Variants in WDFY4 observed in about 807,000 individuals in gnomAD.
WDFY4 encodes the protein WD repeat- and FYVE domain-containing protein 4.
Under a neutral mutation model 351.9 loss-of-function variants are expected in WDFY4, and 169 were observed. That is an observed-to-expected ratio of 0.48 (90% CI 0.42 to 0.55). The LOEUF (loss-of-function observed/expected upper bound fraction) is 0.55. WDFY4 is among the 20% of genes least tolerant of loss of function. The pLI, the probability that WDFY4 is intolerant of heterozygous loss-of-function variation, is 0.00. For synonymous variants in WDFY4, 1,622 were observed against 1,574.6 expected (o/e 1.03, Z -0.71); for missense variants, 3,803 against 3,935.6 (o/e 0.97, Z 0.90).
intron 2 of WDFY4, among the ~76,000 whole-genome samples, chr10:48,718,033 A>T (rs1271128020): frequency 6.6e-6 from 1 of 152,130 alleles, no homozygotes; most frequent in Non-Finnish European, 1.5e-5. Context: ...GGTTCCTGTG[A>T]TTCCCCCCAT....
At chr10:48,768,682 G>T (rs1209119846) in intron 13 of WDFY4, among the ~76,000 whole-genome samples, 1 of 151,124 alleles carries the variant, frequency 6.6e-6, no homozygotes, top group East Asian at 2.0e-4. Flanking sequence ...AGAGTCACGG[G>T]TCGAGCAGCC....
At chr10:48,889,661 T>C (rs935821242) in intron 43 of WDFY4, among the ~76,000 whole-genome samples, 4 of 152,212 alleles carry the variant, frequency 2.6e-5, no homozygotes, top group African/African-American at 7.2e-5. Flanking sequence ...GTTTACTATG[T>C]AAGGACCCAC....
chr10:48,764,475 C>G (rs903479717), intron 13 of WDFY4, among the ~76,000 whole-genome samples: 14 of 152,242 alleles, frequency 9.2e-5, no homozygotes, highest in African/African-American at 3.4e-4. Context: ...AATAAAGATA[C>G]TTTCCCTTTC....
At chr10:48,787,924 CTTCTTCTTCTTCTTCTTCTTCTT>C (rs2066515239) in intron 20 of WDFY4, among the ~76,000 whole-genome samples, 1 of 76,928 alleles carries the variant, frequency 1.3e-5, no homozygotes, top group Non-Finnish European at 2.5e-5. Flanking sequence ...TCTTCTTCTT[CTTCTTCTTCTTCTTCTTCTTCTT>C]CTTCTTCTTC....
intron 12 of WDFY4, among the ~76,000 whole-genome samples, chr10:48,752,877 T>C (rs2065224107): frequency 6.6e-6 from 1 of 152,230 alleles, no homozygotes; most frequent in African/African-American, 2.4e-5. Flanking sequence ...TGTTTTGAAT[T>C]CTTTTGAATA....
intron 44 of WDFY4, among the ~76,000 whole-genome samples, chr10:48,891,677 G>A (rs1398429246): frequency 4.6e-5 from 7 of 152,218 alleles, no homozygotes; most frequent in Non-Finnish European, 1.0e-4. Context: ...CCCCACCCTA[G>A]TTTCTAATTC....
intron 13 of WDFY4, among the ~76,000 whole-genome samples, chr10:48,768,723 AAG>A (rs71026224): frequency 0.026 from 3,651 of 140,602 alleles, 122 homozygotes; most frequent in African/African-American, 0.078. Flanking sequence ...GGGAGAGGAG[AAG>A]AGAGAGAGAG....
chr10:48,731,173 A>T lies in WDFY4; in HGVS notation c.1193A>T (p.Asp398Val), dbSNP rs1043282512. ...VLQNVFHKAS[D>V]SVLCIQVLSV... ...CAGAATGTTTTCCACAAAGCCAGTG[A>T]CTCTGTCCTCTGCATACAAGTCTTG... is the stretch of plus-strand genomic sequence containing the variant. The change falls in exon 9 of 62, where the codon GAC (aspartate) becomes GTC (valine). Residue 398 changes from aspartate (D) to valine (V), a missense_variant. Physicochemically the swap from Asp to Val is radical, Grantham distance 152 (BLOSUM62 -3). Around this residue, in one of 3 missense-constraint regions of WDFY4, gnomAD observed 261 missense variants for 330.2 expected, o/e 0.79. Transcript: ENST00000325239. 2 of 1,551,512 alleles carry T rather than the reference A, an allele frequency of 1.3e-6. No individual in the cohort carries two copies. The highest frequency in any genetic ancestry group is 1.7e-6 in the Non-Finnish European group (2 of 1,146,990).
intron 1 of WDFY4, among the ~76,000 whole-genome samples, chr10:48,689,664 G>T (rs1022540888): frequency 6.6e-6 from 1 of 152,164 alleles, no homozygotes; most frequent in Non-Finnish European, 1.5e-5. Flanking sequence ...AGCCTTTAGA[G>T]GAATGATACT....
At chr10:48,941,284 A>G (rs1201496957) in intron 47 of WDFY4, among the ~76,000 whole-genome samples, 1 of 152,224 alleles carries the variant, frequency 6.6e-6, no homozygotes, top group Non-Finnish European at 1.5e-5. Context: ...TTTAGAAACA[A>G]ACAACAAAAA....
At chr10:48,778,546 A>T in intron 17 of WDFY4, 65 bp from the exon 18 acceptor site, 1 of 1,478,618 alleles carries the variant, frequency 6.8e-7, no homozygotes, top group East Asian at 2.5e-5. Flanking sequence ...CACCATAGTG[A>T]ATCTGAACAT....
rs184063025 is a variant in WDFY4, at chr10:48,907,592, A to G, written c.7586+5729A>G. Among the ~76,000 whole-genome samples the G allele has an allele frequency of 3.1e-3, 476 of 152,312 alleles. 3 individuals are homozygous for G. The highest frequency in any genetic ancestry group is 0.011 in the African/African-American group (442 of 41,560). ...CTTAAAAAACCTACCATAAGAACCT[A>G]TGCGATTCCCATGAGAATATGACCT... On this transcript the variant is annotated intron_variant, in intron 47 of 61. Transcript: ENST00000325239.
At chr10:48,785,257 C>G (rs2066367987) in intron 19 of WDFY4, among the ~76,000 whole-genome samples, 1 of 151,902 alleles carries the variant, frequency 6.6e-6, no homozygotes, top group Admixed American at 6.6e-5. Context: ...GACACTAGTC[C>G]TTTGTTAGAT....
At chr10:48,929,479 G>T (rs1839858101) in intron 47 of WDFY4, among the ~76,000 whole-genome samples, 1 of 152,132 alleles carries the variant, frequency 6.6e-6, no homozygotes, top group Non-Finnish European at 1.5e-5. Flanking sequence ...AGTTGATTGG[G>T]TGGGTTAGAG....
rs185969981 is a variant in WDFY4 at position 48,765,399 on chromosome 10, G to A, written c.2553+4959G>A. On this transcript the variant is annotated intron_variant, in intron 13 of 61. Transcript: ENST00000325239. ...TCTTAACTTCCTTTGTGTAGTGTGG[G>A]GATAATGTCATCTTCTTTGAAATGT... is the stretch of plus-strand genomic sequence containing the variant. Among the ~76,000 whole-genome samples the A allele has an allele frequency of 3.9e-5, 6 of 152,242 alleles. No homozygotes were observed. In the East Asian group the frequency reaches 1.2e-3, roughly 29 times the overall value.
chr10:48,850,928 A>T (rs2068937422), intron 39 of WDFY4, among the ~76,000 whole-genome samples: 1 of 152,252 alleles, frequency 6.6e-6, no homozygotes, highest in Non-Finnish European at 1.5e-5. Context: ...AATGGCCAGC[A>T]CATTGTATAT....
chr10:48,742,155 T>C (rs759111725), intron 11 of WDFY4, among the ~76,000 whole-genome samples: 2 of 152,188 alleles, frequency 1.3e-5, no homozygotes, highest in African/African-American at 2.4e-5. Context: ...GGTTTGATTT[T>C]AGAAGGAAAT....
At chr10:48,802,719 T>C (rs769650211) in intron 24 of WDFY4, 6 of 471,168 alleles carry the variant, frequency 1.3e-5, no homozygotes, top group African/African-American at 4.0e-5. Flanking sequence ...TTGTTTCACT[T>C]ACAATTTTGT....
At chr10:48,870,687 T>C (rs568983080) in intron 40 of WDFY4, among the ~76,000 whole-genome samples, 1 of 152,320 alleles carries the variant, frequency 6.6e-6, no homozygotes, top group East Asian at 1.9e-4. Context: ...CCTTACACTG[T>C]GCAGAAACAT....
Sources: allele counts gnomAD v4.1 joint callset (sites outside exome capture counted in the v4.1 genomes callset), GRCh38; gene constraint gnomAD v4.1.1; regional missense constraint gnomAD v4.1.1; transcripts MANE v1.5; gene names NCBI Gene and HGNC (gene_info 2026-07-23, HGNC 2026-07-21).